The following FHIP1A variants were observed in gnomAD, a reference collection of about 807,000 sequenced individuals.
FHIP1A encodes FHF complex subunit HOOK interacting protein 1A.
A neutral mutation model predicts 88.6 loss-of-function variants in FHIP1A; 61 were observed. That is an observed-to-expected ratio of 0.69 (90% CI 0.56 to 0.85). The LOEUF (loss-of-function observed/expected upper bound fraction) is 0.85, where lower values mean the gene tolerates loss of function less well. Ranked by LOEUF, FHIP1A falls within the 40% of genes least tolerant of loss-of-function variation. The probability of loss-of-function intolerance (pLI) is 0.00; values close to 1 mark genes in which losing one functional copy is unlikely to be tolerated. For missense variants in FHIP1A, 1,154 were observed against 1,273.5 expected, an observed-to-expected ratio of 0.91 and a Z score of 1.43; for synonymous variants, 478 against 496.0, an observed-to-expected ratio of 0.96 and a Z score of 0.48.
chr4:151,519,562 A>ATG (rs765759196), intron 3 of FHIP1A, among the ~76,000 whole-genome samples: 34 of 151,240 alleles, frequency 2.2e-4, no homozygotes, highest in South Asian at 1.7e-3. Flanking sequence ...TTTTGTGGAT[A>ATG]TGTGTGTGTG....
chr4:151,431,491 CCTGA>C (rs10590241), intron 1 of FHIP1A, among the ~76,000 whole-genome samples: 17,036 of 152,034 alleles, frequency 0.11, 981 homozygotes, highest in African/African-American at 0.13. Context: ...TTATCACTTA[CCTGA>C]CTGTCGTGCC....
intron 2 of FHIP1A, among the ~76,000 whole-genome samples, chr4:151,461,536 G>C (rs1729141967): frequency 6.6e-6 from 1 of 152,154 alleles, no homozygotes; most frequent in Admixed American, 6.5e-5. Flanking sequence ...CGATGAATAT[G>C]CTAATTACAC....
chr4:151,662,790 G>A lies in FHIP1A; in HGVS notation c.*36G>A. 3 of 1,389,826 alleles carry A rather than the reference G, an allele frequency of 2.2e-6. No homozygotes were observed. Among genetic ancestry groups the A allele is most frequent in the Non-Finnish European group, 2.8e-6 (3 of 1,058,622 alleles). 86.1% of individuals were successfully genotyped at this position (1,389,826 alleles called of 1,614,324 possible). A position where few individuals can be genotyped will look rare whatever the true frequency, so the allele number is the denominator to read the frequency against. ...TTTTTTTAATAGAGGTTCTTGTTTT[G>A]TAAGGTTTTAGTGTCTTGACTGAAT... On this transcript the variant is annotated 3_prime_UTR_variant, in exon 14 of 14. Transcript: ENST00000435205.
intron 3 of FHIP1A, among the ~76,000 whole-genome samples, chr4:151,520,208 A>G (rs1195052020): frequency 2.6e-5 from 4 of 152,098 alleles, no homozygotes. Flanking sequence ...TATGTTATCT[A>G]TATTATATCT....
chr4:151,624,232 G>A (rs991785185), intron 7 of FHIP1A, among the ~76,000 whole-genome samples: 23 of 152,152 alleles, frequency 1.5e-4, no homozygotes, highest in African/African-American at 5.1e-4. Context: ...TTTGTACTTC[G>A]GGGACGGGTA....
Position 151,666,321 on chromosome 4 carries a change from T to C in FHIP1A, c.*3567T>C, listed in dbSNP as rs1447273013. On this transcript the variant is annotated 3_prime_UTR_variant, in exon 14 of 14. Coordinates refer to ENST00000435205, the MANE Select transcript of FHIP1A (RefSeq NM_001109977.3). Reference sequence around the variant, plus strand: ...CTCCTTTCCCTGGTATTTAGAGGAATTGTGAAGTGGTCCCCATTTTGTGGA... The same window carrying C: ...CTCCTTTCCCTGGTATTTAGAGGAACTGTGAAGTGGTCCCCATTTTGTGGA... Among the ~76,000 whole-genome samples the C allele has an allele frequency of 2.0e-5, 3 of 152,186 alleles. No individual in the cohort carries two copies.
Position 151,636,735 on chromosome 4 carries a change from G to T in FHIP1A, c.1147-1942G>T, listed in dbSNP as rs904720059. 8.9e-4 allele frequency among the ~76,000 whole-genome samples: 136 copies of T among 152,130 alleles called. 1 individual carries two copies. Among genetic ancestry groups the T allele is most frequent in the East Asian group, 1.2e-3 (6 of 5,188 alleles). ...TTCATAGACCAGAAGACTTAATATT[G>T]TTAATATAGGAATACTCCACAAATC... On this transcript the variant is annotated intron_variant, in intron 8 of 13. Transcript: ENST00000435205.
intron 11 of FHIP1A, among the ~76,000 whole-genome samples, chr4:151,651,560 C>A (rs1031054389): frequency 6.6e-6 from 1 of 152,192 alleles, no homozygotes; most frequent in Non-Finnish European, 1.5e-5. Flanking sequence ...GCATCCCAGG[C>A]CCTCCATTTG....
At chr4:151,439,865 T>C (rs2126557473) in intron 1 of FHIP1A, among the ~76,000 whole-genome samples, 1 of 152,324 alleles carries the variant, frequency 6.6e-6, no homozygotes, top group South Asian at 2.1e-4. Context: ...TTCTTCCTTT[T>C]ATGTATTTTT....
intron 7 of FHIP1A, among the ~76,000 whole-genome samples, chr4:151,596,498 T>C (rs897733294): frequency 1.3e-5 from 2 of 152,154 alleles, no homozygotes; most frequent in Non-Finnish European, 2.9e-5. Flanking sequence ...CAATTATGTG[T>C]CTTGGGGTTG....
chr4:151,478,176 A>G (rs1729774680), intron 2 of FHIP1A, among the ~76,000 whole-genome samples: 1 of 152,198 alleles, frequency 6.6e-6, no homozygotes, highest in African/African-American at 2.4e-5. Flanking sequence ...GTTCGACCAT[A>G]AAAATCCACA....
intron 2 of FHIP1A, among the ~76,000 whole-genome samples, chr4:151,465,612 C>T (rs976311477): frequency 1.3e-4 from 20 of 152,230 alleles, no homozygotes; most frequent in Admixed American, 1.2e-3. Context: ...AATATCCATG[C>T]GAAAATCCTC....
chr4:151,586,419 G>A (rs1432181880), intron 5 of FHIP1A, among the ~76,000 whole-genome samples: 1 of 152,164 alleles, frequency 6.6e-6, no homozygotes. Flanking sequence ...ATATTAGCCA[G>A]ATAGTTCTGA....
Position 151,668,481 on chromosome 4 carries a change from A to T in FHIP1A, c.*5727A>T, listed in dbSNP as rs1737744605. Among the ~76,000 whole-genome samples, 1 of 152,168 alleles carries T rather than the reference A, an allele frequency of 6.6e-6. No individual in the cohort carries two copies. Among genetic ancestry groups the T allele is most frequent in the African/African-American group, 2.4e-5 (1 of 41,434 alleles). ...ACATGGGGTGGGGGAGCTCAGCTAA[A>T]ATATCCTTACTTTGGTGCAATAATG... is the stretch of plus-strand genomic sequence containing the variant. On this transcript the variant is annotated 3_prime_UTR_variant, in exon 14 of 14. Coordinates refer to ENST00000435205, the MANE Select transcript of FHIP1A (RefSeq NM_001109977.3).
chr4:151,419,598 T>G lies in FHIP1A; in HGVS notation c.-356+10133T>G, dbSNP rs1314598080. Among the ~76,000 whole-genome samples the G allele has an allele frequency of 8.2e-5, 2 of 24,402 alleles. 1 individual carries two copies. The highest frequency in any genetic ancestry group is 4.5e-4 in the African/African-American group (2 of 4,492). 16.0% of individuals were successfully genotyped at this position (24,402 alleles called of 152,430 possible). A position where few individuals can be genotyped will look rare whatever the true frequency, so the allele number is the denominator to read the frequency against. On this transcript the variant is annotated intron_variant, in intron 1 of 13. Transcript: ENST00000435205. Reference sequence around the variant, plus strand: ...TTTTTTTTTTTTTTTTTTTTTTTTTTTTTTATTATACTCTAAGTTTTAGGG... The same window carrying G: ...TTTTTTTTTTTTTTTTTTTTTTTTTGTTTTATTATACTCTAAGTTTTAGGG...
rs1470487362 is a variant in FHIP1A at position 151,586,786 on chromosome 4, A to G, written c.878A>G (p.Asn293Ser). The change falls in exon 6 of 14, where the codon AAT (asparagine) becomes AGT (serine). Residue 293 changes from asparagine to serine, a missense_variant. By Grantham distance (46) the Asn-to-Ser change is conservative. Coordinates refer to ENST00000435205, the MANE Select transcript of FHIP1A (RefSeq NM_001109977.3). ...TTCATGAACTCCCTGGAGTTTTGCAATGCAGTCATACAGGTACCAGAGCAC... is the reference window on the plus strand; with the variant it reads ...TTCATGAACTCCCTGGAGTTTTGCAGTGCAGTCATACAGGTACCAGAGCAC... ...VQFMNSLEFC[N>S]AVIQVAHPLI... 1.9e-6 allele frequency: 3 copies of G among 1,550,230 alleles called. No homozygotes were observed. Among genetic ancestry groups the G allele is most frequent in the Non-Finnish European group, 8.7e-7 (1 of 1,145,838 alleles).
At chr4:151,603,267 C>G (rs984444258) in intron 7 of FHIP1A, among the ~76,000 whole-genome samples, 1 of 151,526 alleles carries the variant, frequency 6.6e-6, no homozygotes, top group East Asian at 1.9e-4. Context: ...GAGCCAAAAT[C>G]GCACCACTGC....
At chr4:151,553,423 T>A (rs1038726457) in intron 3 of FHIP1A, among the ~76,000 whole-genome samples, 1 of 152,200 alleles carries the variant, frequency 6.6e-6, no homozygotes, top group Non-Finnish European at 1.5e-5. Flanking sequence ...GCATTTTGGG[T>A]GATTTATCTC....
At chr4:151,511,194 C>T (rs1389514202) in intron 3 of FHIP1A, among the ~76,000 whole-genome samples, 1 of 152,130 alleles carries the variant, frequency 6.6e-6, no homozygotes, top group African/African-American at 2.4e-5. Flanking sequence ...TTAAGATGGC[C>T]TAGGTAAATT....
Sources: gnomAD v4.1 joint callset for allele counts (sites outside exome capture counted in the v4.1 genomes callset) on GRCh38, gnomAD v4.1.1 for gene constraint, MANE v1.5 for transcripts, NCBI Gene and HGNC (gene_info 2026-07-23, HGNC 2026-07-21) for gene names.